PDHX: variants seen among roughly 807,000 people sequenced by gnomAD.
The protein encoded by PDHX is pyruvate dehydrogenase complex component X.
A neutral mutation model predicts 55.3 loss-of-function variants in PDHX; 33 were observed. The ratio of observed to expected loss-of-function variants is 0.60; its 90% CI spans 0.45 to 0.80. PDHX has a LOEUF of 0.80. PDHX is among the 30% of genes least tolerant of loss of function. The pLI is 0.00. For synonymous variants in PDHX, 226 were observed against 219.4 expected, an observed-to-expected ratio of 1.03 and a Z score of -0.27; for missense variants, 622 against 619.9, an observed-to-expected ratio of 1.00 and a Z score of -0.04.
At chr11:34,916,532 G>A (rs375130125), upstream of PDHX, 7 of 1,474,610 alleles carry the variant, frequency 4.7e-6, no homozygotes, top group Admixed American at 2.2e-5. Context: ...GGGGGCGGGG[G>A]TTCAAGTCTG....
chr11:34,963,860 C>T (rs1337589565), intron 5 of PDHX, among the ~76,000 whole-genome samples: 1 of 152,236 alleles, frequency 6.6e-6, no homozygotes, highest in East Asian at 1.9e-4. Context: ...CATTTAGTTT[C>T]TTTGCCTGCA....
intron 1 of PDHX, among the ~76,000 whole-genome samples, chr11:34,925,421 GTA>G (rs1448861577): frequency 1.3e-5 from 2 of 152,032 alleles, no homozygotes; most frequent in Non-Finnish European, 2.9e-5. Context: ...TGATTATTAC[GTA>G]TCTATTTACT....
intron 1 of PDHX, among the ~76,000 whole-genome samples, chr11:34,921,453 A>C (rs1480340443): frequency 6.6e-6 from 1 of 152,172 alleles, no homozygotes; most frequent in Non-Finnish European, 1.5e-5. Context: ...AAACTGACCC[A>C]AAGTAGACCA....
Position 34,980,352 on chromosome 11 carries a change from C to CT in PDHX, c.1023+2184dup, listed in dbSNP as rs57927359. 9.2e-4 allele frequency among the ~76,000 whole-genome samples: 69 copies of CT among 74,854 alleles called. 13 individuals carry two copies. The highest frequency in any genetic ancestry group is 4.9e-3 in the South Asian group (10 of 2,054). The allele number at this position is 74,854 out of a possible 152,430, so 49.1% of individuals were successfully genotyped here. A position where few individuals can be genotyped will look rare whatever the true frequency, so the allele number is the denominator to read the frequency against. On this transcript the variant is annotated intron_variant, in intron 8 of 10. Transcript: ENST00000227868. Reference sequence around the variant, plus strand: ...TTTTTAATAAGGTTTAAGATAGTTTCTTTTTTTTTTTTTTGAGCAGCAGCA... The same window carrying CT: ...TTTTTAATAAGGTTTAAGATAGTTTCTTTTTTTTTTTTTTTGAGCAGCAGCA...
rs563809731 is a variant in PDHX at position 34,920,253 on chromosome 11, GTTAA to G, written c.160+3444_160+3447del. Reference sequence around the variant, plus strand: ...TGATTTGGAATATAATTGGTAAGATGTTAATTAATAGTATTGGTTTTAAGTTGTC... The same window carrying G: ...TGATTTGGAATATAATTGGTAAGATGTTAATAGTATTGGTTTTAAGTTGTC... On this transcript the variant is annotated intron_variant, in intron 1 of 10. Transcript: ENST00000227868. Among the ~76,000 whole-genome samples, 7 of 152,270 alleles carry G rather than the reference GTTAA, an allele frequency of 4.6e-5. No individual in the cohort carries two copies. In the East Asian group the frequency reaches 1.3e-3, roughly 29 times the overall value.
Position 34,937,716 on chromosome 11 carries a change from C to G in PDHX, c.241+6232C>G, listed in dbSNP as rs562787589. The stretch of plus-strand genomic sequence containing the variant: ...TCTATATGGAATAAGAATGCCTACT[C>G]CCCTAAAGAGTCCTCCTGAGGGTCA... On this transcript the variant is annotated intron_variant, in intron 2 of 10. Transcript: ENST00000227868. Among the ~76,000 whole-genome samples the G allele has an allele frequency of 3.9e-5, 6 of 152,208 alleles. No homozygotes were observed. The East Asian group carries it at 9.6e-4, about 24-fold the overall frequency.
chr11:34,943,978 G>A (rs1489611439), intron 2 of PDHX, among the ~76,000 whole-genome samples: 1 of 151,548 alleles, frequency 6.6e-6, no homozygotes, highest in Non-Finnish European at 1.5e-5. Flanking sequence ...TTGAGGTCAG[G>A]AATCTTAAAT....
intron 3 of PDHX, among the ~76,000 whole-genome samples, chr11:34,950,438 A>G (rs1056462957): frequency 1.3e-5 from 2 of 150,434 alleles, no homozygotes; most frequent in South Asian, 2.1e-4. Flanking sequence ...GGTTAGTTAC[A>G]TATGTATACA....
intron 7 of PDHX, among the ~76,000 whole-genome samples, chr11:34,971,714 TG>T (rs899724798): frequency 3.9e-5 from 6 of 152,162 alleles, no homozygotes; most frequent in African/African-American, 1.4e-4. Context: ...CCTATGCCCA[TG>T]AGAAATGCTA....
intron 9 of PDHX, among the ~76,000 whole-genome samples, chr11:34,989,332 T>C (rs1855712916): frequency 6.6e-6 from 1 of 152,182 alleles, no homozygotes; most frequent in South Asian, 2.1e-4. Context: ...TGTGGGTCTT[T>C]GAAGTATCCC....
chr11:34,948,266 C>T (rs971792766), intron 3 of PDHX, among the ~76,000 whole-genome samples: 3 of 152,086 alleles, frequency 2.0e-5, no homozygotes. Flanking sequence ...TCTTGGTGAC[C>T]ATTAGTCCCC....
chr11:34,973,842 CT>C (rs1855305745), intron 7 of PDHX, among the ~76,000 whole-genome samples: 1 of 151,768 alleles, frequency 6.6e-6, no homozygotes, highest in Admixed American at 6.6e-5. Flanking sequence ...TTTATCTGTA[CT>C]TTTTTTCATT....
At chr11:34,953,705 G>A (rs1854835946) in intron 3 of PDHX, among the ~76,000 whole-genome samples, 1 of 152,152 alleles carries the variant, frequency 6.6e-6, no homozygotes, top group Admixed American at 6.5e-5. Context: ...GATTATATTG[G>A]ATACCATCTC....
chr11:34,994,899 T>A lies in PDHX; in HGVS notation c.1248-15T>A. ...AAGGACATGCCTCCTTCAGAGCTTT[T>A]TCTTTTCCCCCTAGTATTTCCAACT... On this transcript the variant is annotated splice_polypyrimidine_tract_variant and intron_variant, in intron 10 of 10. Transcript: ENST00000227868. 1 of 1,613,822 alleles carries A rather than the reference T, an allele frequency of 6.2e-7. No homozygotes were observed. The highest frequency in any genetic ancestry group is 1.1e-5 in the South Asian group (1 of 91,012).
chr11:34,964,228 T>C (rs989443432), intron 5 of PDHX, among the ~76,000 whole-genome samples: 2 of 152,238 alleles, frequency 1.3e-5, no homozygotes, highest in African/African-American at 4.8e-5. Flanking sequence ...AAAACCATTT[T>C]CTGCCTCACA....
chr11:34,917,251 G>T (rs1287275479), intron 1 of PDHX, among the ~76,000 whole-genome samples: 1 of 152,180 alleles, frequency 6.6e-6, no homozygotes, highest in Admixed American at 6.5e-5. Context: ...TCTCTGTTAG[G>T]AGGTGTTTTC....
At chr11:34,921,329 G>T (rs761533715) in intron 1 of PDHX, among the ~76,000 whole-genome samples, 2 of 152,080 alleles carry the variant, frequency 1.3e-5, no homozygotes, top group Non-Finnish European at 2.9e-5. Context: ...CTTTCTCAGT[G>T]TCAGCTTGCC....
intron 8 of PDHX, among the ~76,000 whole-genome samples, chr11:34,984,221 A>G (rs72914758): frequency 1.3e-5 from 2 of 152,200 alleles, no homozygotes; most frequent in East Asian, 1.9e-4. Flanking sequence ...TCCTCCCCTC[A>G]AGATCATGTT....
chr11:34,944,472 T>C (rs1325478267), intron 2 of PDHX, among the ~76,000 whole-genome samples: 2 of 152,130 alleles, frequency 1.3e-5, no homozygotes, highest in Non-Finnish European at 2.9e-5. Context: ...CTCTTTGGAG[T>C]TAGACAAAGG....
Sources: allele counts gnomAD v4.1 joint callset (sites outside exome capture counted in the v4.1 genomes callset), GRCh38; gene constraint gnomAD v4.1.1; transcripts MANE v1.5; gene names NCBI Gene and HGNC (gene_info 2026-07-23, HGNC 2026-07-21).